Variants in TANC2 observed in about 807,000 individuals in gnomAD.
TANC2 encodes the protein tetratricopeptide repeat, ankyrin repeat and coiled-coil containing 2.
TANC2 carries 26 observed loss-of-function variants against 210.5 expected under a neutral mutation model. The ratio of observed to expected loss-of-function variants is 0.12; its 90% CI spans 0.09 to 0.17. The LOEUF (loss-of-function observed/expected upper bound fraction) is 0.17. TANC2 is among the 10% of genes least tolerant of loss of function. The pLI is 1.00. For missense variants in TANC2, 2,129 were observed against 2,608.9 expected, an observed-to-expected ratio of 0.82 and a Z score of 4.01; for synonymous variants, 931 against 967.1, an observed-to-expected ratio of 0.96 and a Z score of 0.69.
At chr17:63,244,857 A>G (rs1362817012) in intron 8 of TANC2, among the ~76,000 whole-genome samples, 3 of 152,178 alleles carry the variant, frequency 2.0e-5, no homozygotes, top group African/African-American at 7.2e-5. Context: ...TTCTCATGAT[A>G]GCGAATAAAT....
intron 7 of TANC2, among the ~76,000 whole-genome samples, chr17:63,228,754 T>A (rs1029838879): frequency 6.6e-6 from 1 of 152,164 alleles, no homozygotes; most frequent in Non-Finnish European, 1.5e-5. Context: ...TGTGTAGGAC[T>A]GCTTGTGATT....
chr17:63,086,909 C>G (rs556887548), intron 3 of TANC2, among the ~76,000 whole-genome samples: 6 of 146,796 alleles, frequency 4.1e-5, no homozygotes, highest in African/African-American at 1.5e-4. Context: ...CCAATCAGCA[C>G]TCTGTAAAAT....
intron 22 of TANC2, 138 bp from the exon 23 acceptor site, chr17:63,411,860 C>T (rs1342417076): frequency 1.4e-6 from 2 of 1,426,090 alleles, no homozygotes; most frequent in African/African-American, 1.4e-5. Flanking sequence ...AAGGATATAG[C>T]TAAGGCCTGA....
At chr17:63,391,056 T>C (rs1286476574) in intron 17 of TANC2, 1 of 152,160 alleles carries the variant, frequency 6.6e-6, no homozygotes, top group African/African-American at 2.4e-5. Context: ...CCAGAGCAAT[T>C]GTCTCCTCCT....
chr17:63,080,983 A>C (rs1452631212), intron 3 of TANC2, among the ~76,000 whole-genome samples: 3 of 152,188 alleles, frequency 2.0e-5, no homozygotes, highest in African/African-American at 7.2e-5. Flanking sequence ...AGTTATCTAC[A>C]TCCCAAGTTT....
intron 16 of TANC2, 22 bp from the exon 17 acceptor site, chr17:63,389,286 A>G (rs767222998): frequency 1.9e-6 from 3 of 1,573,420 alleles, no homozygotes; most frequent in Non-Finnish European, 2.6e-6. Flanking sequence ...TCTAATTATT[A>G]GTTCTGTTTG....
At chr17:63,353,602 A>G (rs1453783008) in intron 13 of TANC2, among the ~76,000 whole-genome samples, 2 of 152,094 alleles carry the variant, frequency 1.3e-5, no homozygotes, top group East Asian at 3.9e-4. Flanking sequence ...GGACTAAAGA[A>G]TCTATTGATG....
chr17:63,143,881 A>G (rs897158294), intron 4 of TANC2, among the ~76,000 whole-genome samples: 12 of 152,082 alleles, frequency 7.9e-5, no homozygotes, highest in African/African-American at 1.7e-4. Flanking sequence ...TGCTGGGTAC[A>G]GGGGCTCTCA....
intron 2 of TANC2, among the ~76,000 whole-genome samples, chr17:63,017,372 G>A (rs1006200794): frequency 3.9e-5 from 6 of 152,150 alleles, no homozygotes; most frequent in African/African-American, 7.2e-5. Context: ...TGATACAAAT[G>A]TATGGGCTGC....
chr17:63,038,105 G>A (rs898585349), intron 2 of TANC2, among the ~76,000 whole-genome samples: 1 of 152,084 alleles, frequency 6.6e-6, no homozygotes, highest in African/African-American at 2.4e-5. Context: ...TTTCCTGAGC[G>A]TTGGCTGGGG....
At chr17:62,991,542 A>AGG (rs1372439207) in intron 1 of TANC2, among the ~76,000 whole-genome samples, 1 of 151,784 alleles carries the variant, frequency 6.6e-6, no homozygotes, top group Non-Finnish European at 1.5e-5. Context: ...CGGGAGGCTG[A>AGG]GGCAGGAGAA....
rs1555571195 is a variant in TANC2, at chr17:63,098,515, G to GTGTATATATA, written c.140-659_140-658insGTATATATAT. ...TCTCTCTCTCTCTCTCTCTCTGTGT[G>GTGTATATATA]TATATATATATATATATATGTAAAA... is the stretch of plus-strand genomic sequence containing the variant. On this transcript the variant is annotated intron_variant, in intron 3 of 27. Coordinates refer to ENST00000689528, the Ensembl canonical transcript of TANC2. Among the ~76,000 whole-genome samples the GTGTATATATA allele has an allele frequency of 1.4e-4, 18 of 126,730 alleles. 1 individual carries two copies. The highest frequency in any genetic ancestry group is 4.3e-4 in the African/African-American group (15 of 34,902). 83.1% of individuals were successfully genotyped at this position (126,730 alleles called of 152,430 possible).
At chr17:63,255,999 A>C (rs1230728569) in intron 8 of TANC2, among the ~76,000 whole-genome samples, 3 of 138,292 alleles carry the variant, frequency 2.2e-5, no homozygotes, top group Non-Finnish European at 4.5e-5. Context: ...TCTTTCCCCC[A>C]GGTTCAAGCG....
chr17:63,414,892 G>A (rs1319607018), intron 25 of TANC2, among the ~76,000 whole-genome samples: 2 of 152,190 alleles, frequency 1.3e-5, no homozygotes, highest in African/African-American at 4.8e-5. Context: ...CTTCCTCTTG[G>A]ATAATCCCTC....
At chr17:63,033,569 T>C (rs1414036037) in intron 2 of TANC2, among the ~76,000 whole-genome samples, 1 of 152,052 alleles carries the variant, frequency 6.6e-6, no homozygotes, top group African/African-American at 2.4e-5. Context: ...TGTCAGGAAC[T>C]GGGGGTGGGA....
chr17:63,187,385 G>T (rs2041026273), intron 5 of TANC2, among the ~76,000 whole-genome samples: 1 of 152,058 alleles, frequency 6.6e-6, no homozygotes, highest in South Asian at 2.1e-4. Context: ...GTTAATATAG[G>T]TAAAATGCTT....
At chr17:63,359,982 C>T (rs761707193) in intron 14 of TANC2, among the ~76,000 whole-genome samples, 151 of 152,288 alleles carry the variant, frequency 9.9e-4, no homozygotes, top group African/African-American at 2.9e-3. Context: ...GTGAATTACA[C>T]GTTGGAGACC....
intron 1 of TANC2, among the ~76,000 whole-genome samples, chr17:62,972,201 G>T (rs1025715023): frequency 2.0e-5 from 3 of 152,092 alleles, no homozygotes; most frequent in African/African-American, 7.2e-5. Context: ...TTATGTGAAA[G>T]CTGTGTTTGT....
intron 9 of TANC2, among the ~76,000 whole-genome samples, chr17:63,275,993 A>T (rs2043860218): frequency 6.6e-6 from 1 of 152,134 alleles, no homozygotes; most frequent in Non-Finnish European, 1.5e-5. Context: ...TAATCTTATT[A>T]TTTTCCTCAA....
Sources: allele counts gnomAD v4.1 joint callset (sites outside exome capture counted in the v4.1 genomes callset), GRCh38; gene constraint gnomAD v4.1.1; transcripts MANE v1.5; gene names NCBI Gene and HGNC (gene_info 2026-07-23, HGNC 2026-07-21).